Variants in H2BC12 observed in about 807,000 individuals in gnomAD.
The protein encoded by H2BC12 is histone H2B type 1-K.
A neutral mutation model predicts 6.3 loss-of-function variants in H2BC12; 6 were observed. That is an observed-to-expected ratio of 0.95 (90% CI 0.52 to 1.87). H2BC12 has a LOEUF of 1.87. Ranked by LOEUF, H2BC12 falls within the 40% of genes most tolerant of loss-of-function variation. H2BC12 has a pLI of 0.01. For missense variants in H2BC12, 119 were observed against 178.4 expected, an observed-to-expected ratio of 0.67 and a Z score of 1.90; for synonymous variants, 132 against 78.5, an observed-to-expected ratio of 1.68 and a Z score of -3.60.
the H2BC12 span, chr6:27,139,545 C>G: frequency 6.2e-7 from 1 of 1,614,162 alleles, no homozygotes; most frequent in South Asian, 1.1e-5. Context: ...ACGCCAAGCG[C>G]AAGACGGTCA....
At chr6:27,139,310 T>G in the H2BC12 span, 2 of 1,605,712 alleles carry the variant, frequency 1.2e-6, no homozygotes, top group Non-Finnish European at 1.7e-6. Flanking sequence ...CACTTGATAA[T>G]GTCAGGACGC....
chr6:27,139,512 G>A, the H2BC12 span: 3 of 1,613,918 alleles, frequency 1.9e-6, no homozygotes, highest in Non-Finnish European at 2.5e-6. Context: ...ACGTGATCCG[G>A]GACGCCGTGA....
At chr6:27,139,366 C>G in the H2BC12 span, 3 of 1,614,116 alleles carry the variant, frequency 1.9e-6, no homozygotes, top group Non-Finnish European at 2.5e-6. Flanking sequence ...CAAGCGCCAC[C>G]GCAAGGTGCT....
the H2BC12 span, chr6:27,139,339 C>G: frequency 1.2e-6 from 2 of 1,613,324 alleles, no homozygotes; most frequent in Non-Finnish European, 1.7e-6. Flanking sequence ...AGGTAAGGGC[C>G]TGGGGAAAGG....
At chr6:27,139,575 C>T in the H2BC12 span, 2 of 1,613,832 alleles carry the variant, frequency 1.2e-6, no homozygotes, top group South Asian at 1.1e-5. Context: ...ACGTGGTCTA[C>T]GCGCTCAAGC....
At chr6:27,139,645 C>T in the H2BC12 span, 2 of 1,585,084 alleles carry the variant, frequency 1.3e-6, no homozygotes, top group African/African-American at 1.3e-5. Context: ...CCCAGTCATT[C>T]TCTAAAAAGG....
downstream of H2BC12, among the ~76,000 whole-genome samples, chr6:27,146,210 A>C (rs996079983): frequency 2.0e-5 from 3 of 152,202 alleles, no homozygotes; most frequent in Non-Finnish European, 4.4e-5. Context: ...CAGTACTAAC[A>C]AAGTGTATGT....
At chr6:27,145,664 T>C (rs571695350), downstream of H2BC12, among the ~76,000 whole-genome samples, 28 of 152,338 alleles carry the variant, frequency 1.8e-4, no homozygotes, top group African/African-American at 5.3e-4. Context: ...TTTCCTTTTC[T>C]ATAAGCTTTC....
downstream of H2BC12, among the ~76,000 whole-genome samples, chr6:27,145,662 T>C (rs1161505868): frequency 1.3e-5 from 2 of 152,192 alleles, no homozygotes; most frequent in African/African-American, 2.4e-5. Flanking sequence ...ATTTTCCTTT[T>C]CTATAAGCTT....
chr6:27,146,742 C>T lies in H2BC12; in HGVS notation c.57G>A (p.Val19=), dbSNP rs1760095697. The stretch of plus-strand genomic sequence containing the variant: ...TGCCGTCCTTCTTCTGCGCCTTAGT[C>T]ACGGCTTTCTTCGAGCCCTTCTTGG... The part of the protein sequence containing the change: ...PAPKKGSKKA[V]TKAQKKDGKK... Residue 19 remains valine, a synonymous_variant, in exon 1 of 1, where the codon GTG becomes GTA. Transcript: ENST00000356950. 2.5e-6 allele frequency: 4 copies of T among 1,614,258 alleles called. No homozygotes were observed. Among genetic ancestry groups the T allele is most frequent in the African/African-American group, 1.3e-5 (1 of 75,074 alleles).
downstream of H2BC12, among the ~76,000 whole-genome samples, chr6:27,146,096 G>T (rs530018344): frequency 6.6e-6 from 1 of 152,132 alleles, no homozygotes; most frequent in Non-Finnish European, 1.5e-5. Flanking sequence ...CACAGCACTC[G>T]ACACAACGGA....
At position 27,146,712 on chromosome 6, in the gene H2BC12, C is replaced by T. The variant is rs911346971; in HGVS notation, c.87G>A (p.Lys29=). The part of the protein sequence containing the change: ...VTKAQKKDGK[K]RKRSRKESYS... ...AGCTCTCCTTGCGGCTGCGCTTGCG[C>T]TTCTTGCCGTCCTTCTTCTGCGCCT... is the stretch of plus-strand genomic sequence containing the variant. Residue 29 remains lysine, a synonymous_variant, in exon 1 of 1, where the codon AAG becomes AAA. Transcript: ENST00000356950. The T allele has an allele frequency of 2.5e-6, 4 of 1,614,278 alleles. No homozygotes were observed. The highest frequency in any genetic ancestry group is 3.4e-6 in the Non-Finnish European group (4 of 1,180,054).
the H2BC12 span, chr6:27,139,187 C>T: frequency 1.8e-6 from 2 of 1,083,930 alleles, no homozygotes; most frequent in Non-Finnish European, 2.6e-6. Context: ...TAGGTCCCCT[C>T]CCCCAATGCA....
At chr6:27,143,786 G>C (rs752850612), downstream of H2BC12, among the ~76,000 whole-genome samples, 3 of 143,470 alleles carry the variant, frequency 2.1e-5, no homozygotes, top group Non-Finnish European at 4.5e-5. Context: ...ACAATTGCTA[G>C]ATTGAATTGC....
chr6:27,146,824 A>C lies in H2BC12; in HGVS notation c.-26T>G, dbSNP rs754088806. The C allele has an allele frequency of 6.2e-7, 1 of 1,609,044 alleles. No homozygotes were observed. ...GTTGAAGGCGAACTACGAGCCTGAG[A>C]CGAGCAGCAGATCGAGAAAACGGGA... On this transcript the variant is annotated 5_prime_UTR_variant, in exon 1 of 1. Coordinates refer to ENST00000356950, the MANE Select transcript of H2BC12 (RefSeq NM_001312653.2).
Sources: gnomAD v4.1 joint callset for allele counts (sites outside exome capture counted in the v4.1 genomes callset) on GRCh38, gnomAD v4.1.1 for gene constraint, MANE v1.5 for transcripts, NCBI Gene and HGNC (gene_info 2026-07-23, HGNC 2026-07-21) for gene names.